The following CADPS2 variants were observed in gnomAD, a reference collection of about 807,000 sequenced individuals.
CADPS2 encodes calcium-dependent secretion activator 2.
In CADPS2, 93 loss-of-function variants were observed where a neutral mutation model predicts 172.5. The observed-to-expected ratio is 0.54, with a 90% CI of 0.46 to 0.64. The LOEUF is 0.64. Ranked by LOEUF, CADPS2 falls within the 30% of genes least tolerant of loss-of-function variation. The pLI, the probability that CADPS2 is intolerant of heterozygous loss-of-function variation, is 0.00. For synonymous variants in CADPS2, 546 were observed against 555.2 expected (o/e 0.98, Z 0.23); for missense variants, 1,420 against 1,565.9 (o/e 0.91, Z 1.57).
At chr7:122,669,960 C>A (rs1057107026) in intron 2 of CADPS2, among the ~76,000 whole-genome samples, 7 of 151,760 alleles carry the variant, frequency 4.6e-5, no homozygotes, top group Non-Finnish European at 7.4e-5. Context: ...CTCCTCACAT[C>A]CTCCACGTTA....
At chr7:122,338,397 A>C (rs2036234436) in intron 28 of CADPS2, among the ~76,000 whole-genome samples, 1 of 152,154 alleles carries the variant, frequency 6.6e-6, no homozygotes, top group Non-Finnish European at 1.5e-5. Flanking sequence ...CTGTCTCAGA[A>C]AAAAACAAAC....
At chr7:122,846,019 G>A (rs867201478) in intron 1 of CADPS2, among the ~76,000 whole-genome samples, 1 of 152,166 alleles carries the variant, frequency 6.6e-6, no homozygotes, top group Non-Finnish European at 1.5e-5. Flanking sequence ...AAATTAAGGA[G>A]TAAGAAAATA....
chr7:122,791,025 G>A (rs1403026153), intron 1 of CADPS2, among the ~76,000 whole-genome samples: 2 of 152,176 alleles, frequency 1.3e-5, no homozygotes, highest in Non-Finnish European at 2.9e-5. Flanking sequence ...CATAGAGTAT[G>A]CACAGGCACA....
chr7:122,425,169 C>A (rs1352501815), intron 17 of CADPS2, among the ~76,000 whole-genome samples: 1 of 151,836 alleles, frequency 6.6e-6, no homozygotes, highest in African/African-American at 2.4e-5. Flanking sequence ...TTTATACAGA[C>A]GGGGTCTCAC....
intron 1 of CADPS2, among the ~76,000 whole-genome samples, chr7:122,787,912 C>G (rs1794415343): frequency 6.6e-6 from 1 of 152,148 alleles, no homozygotes; most frequent in Non-Finnish European, 1.5e-5. Context: ...GCTTAAAAAA[C>G]TGGAAAGGCT....
intron 1 of CADPS2, among the ~76,000 whole-genome samples, chr7:122,772,743 G>A (rs2093741937): frequency 1.3e-5 from 2 of 152,094 alleles, no homozygotes; most frequent in African/African-American, 4.8e-5. Context: ...TTTCTAGATG[G>A]GAAGCTGATG....
At chr7:122,652,153 C>A (rs1230564194) in intron 3 of CADPS2, among the ~76,000 whole-genome samples, 1 of 152,120 alleles carries the variant, frequency 6.6e-6, no homozygotes, top group Non-Finnish European at 1.5e-5. Context: ...TTTACAACAG[C>A]ATTTTTTTCT....
intron 7 of CADPS2, among the ~76,000 whole-genome samples, chr7:122,561,941 T>A (rs1171286334): frequency 2.0e-5 from 3 of 152,116 alleles, no homozygotes; most frequent in African/African-American, 7.2e-5. Flanking sequence ...GGGTGGATGC[T>A]TAGAAAAATT....
intron 9 of CADPS2, among the ~76,000 whole-genome samples, chr7:122,503,729 C>A (rs1251763592): frequency 1.3e-5 from 2 of 152,046 alleles, no homozygotes; most frequent in Admixed American, 1.3e-4. Context: ...TTCATTCATC[C>A]GTGCACTTAT....
intron 7 of CADPS2, among the ~76,000 whole-genome samples, chr7:122,577,828 T>C (rs532926343): frequency 6.6e-6 from 1 of 152,256 alleles, no homozygotes; most frequent in South Asian, 2.1e-4. Context: ...TCAGTTTTTC[T>C]GCATTTTCGC....
At chr7:122,326,929 A>G (rs1449497418) in intron 28 of CADPS2, among the ~76,000 whole-genome samples, 2 of 152,076 alleles carry the variant, frequency 1.3e-5, no homozygotes, top group African/African-American at 4.8e-5. Flanking sequence ...ATTTAAATGG[A>G]TAACTGATAT....
chr7:122,885,584 C>T (rs1281393298), intron 1 of CADPS2, among the ~76,000 whole-genome samples: 3 of 152,200 alleles, frequency 2.0e-5, no homozygotes, highest in African/African-American at 7.2e-5. Context: ...AGCTACAACA[C>T]TCATTCAGAC....
At chr7:122,406,584 G>A (rs1276652261) in intron 20 of CADPS2, among the ~76,000 whole-genome samples, 5 of 152,176 alleles carry the variant, frequency 3.3e-5, no homozygotes, top group African/African-American at 1.2e-4. Context: ...GAGAAATGGA[G>A]TGAGGTCTAT....
chr7:122,704,538 T>A (rs950931475), intron 2 of CADPS2, among the ~76,000 whole-genome samples: 1 of 134,096 alleles, frequency 7.5e-6, no homozygotes, highest in African/African-American at 2.6e-5. Flanking sequence ...ATTTTGCAGA[T>A]TTTTTGTGGG....
intron 2 of CADPS2, among the ~76,000 whole-genome samples, chr7:122,689,309 G>C (rs1197734301): frequency 6.6e-6 from 1 of 152,168 alleles, no homozygotes; most frequent in Non-Finnish European, 1.5e-5. Context: ...AAGGGCACAA[G>C]TGCCACCTTG....
intron 8 of CADPS2, among the ~76,000 whole-genome samples, chr7:122,540,264 G>A (rs1288828163): frequency 2.6e-5 from 4 of 151,926 alleles, no homozygotes; most frequent in Non-Finnish European, 5.9e-5. Flanking sequence ...TTAGAATACC[G>A]ATACCCCAGA....
chr7:122,366,419 A>G (rs1418303468), intron 25 of CADPS2, among the ~76,000 whole-genome samples: 3 of 148,624 alleles, frequency 2.0e-5, no homozygotes. Context: ...CCTGGCCAAC[A>G]TAGTGAAACC....
chr7:122,872,522 T>A lies in CADPS2; in HGVS notation c.339+13477A>T, dbSNP rs543235758. Reference sequence around the variant, plus strand: ...CCCTACTTACTACTGCTTGAGAATATATGCAATCCTTCTGAGTCAGAAAAG... The same window carrying A: ...CCCTACTTACTACTGCTTGAGAATAAATGCAATCCTTCTGAGTCAGAAAAG... On this transcript the variant is annotated intron_variant, in intron 1 of 29. Transcript: ENST00000449022. 1.2e-4 allele frequency among the ~76,000 whole-genome samples: 18 copies of A among 152,228 alleles called. No homozygotes were observed. The South Asian group carries it at 3.7e-3, about 32-fold the overall frequency.
At chr7:122,474,621 C>T (rs1400322317) in intron 12 of CADPS2, 104 bp from the exon 13 acceptor site, 3 of 1,013,374 alleles carry the variant, frequency 3.0e-6, no homozygotes, top group Admixed American at 2.4e-5. Flanking sequence ...CAGAAGACTA[C>T]CTTTTATCAC....
Sources: gnomAD v4.1 joint callset for allele counts (sites outside exome capture counted in the v4.1 genomes callset) on GRCh38, gnomAD v4.1.1 for gene constraint, MANE v1.5 for transcripts, NCBI Gene and HGNC (gene_info 2026-07-23, HGNC 2026-07-21) for gene names.